The following CAMTA1 variants were observed in gnomAD, a reference collection of about 807,000 sequenced individuals.
CAMTA1 encodes calmodulin-binding transcription activator 1.
A neutral mutation model predicts 170.9 loss-of-function variants in CAMTA1; 27 were observed. That is an observed-to-expected ratio of 0.16 (90% CI 0.12 to 0.22). The LOEUF (loss-of-function observed/expected upper bound fraction) is 0.22. Among genes scored for constraint, CAMTA1 ranks in the 10% least tolerant of loss-of-function variants. The pLI is 1.00. For missense variants in CAMTA1, 1,619 were observed against 2,217.2 expected (o/e 0.73, Z 5.42); for synonymous variants, 833 against 891.5 (o/e 0.93, Z 1.17).
intron 5 of CAMTA1, among the ~76,000 whole-genome samples, chr1:7,344,683 C>T (rs1243345682): frequency 6.6e-6 from 1 of 151,700 alleles, no homozygotes; most frequent in African/African-American, 2.4e-5. Context: ...TCCCTGTTCA[C>T]GGGTGAGCAG....
At chr1:6,807,115 T>A in intron 1 of CAMTA1, 1 of 560,060 alleles carries the variant, frequency 1.8e-6, no homozygotes, top group Non-Finnish European at 3.3e-6. Context: ...ATAAAGGGAT[T>A]TGACTAATCT....
At chr1:7,584,146 T>G (rs12064138) in intron 6 of CAMTA1, among the ~76,000 whole-genome samples, 8,058 of 152,210 alleles carry the variant, frequency 0.053, 706 homozygotes, top group African/African-American at 0.18. Flanking sequence ...TTCATGATGC[T>G]TGTTAAAGAT....
intron 7 of CAMTA1, among the ~76,000 whole-genome samples, chr1:7,655,230 AC>A (rs1469142500): frequency 6.7e-6 from 1 of 149,326 alleles, no homozygotes; most frequent in Admixed American, 6.7e-5. Flanking sequence ...CTATACACAC[AC>A]ACACCTATAC....
chr1:7,640,576 G>A, intron 7 of CAMTA1, 23 bp downstream of exon 7: 1 of 1,613,830 alleles, frequency 6.2e-7, no homozygotes, highest in Non-Finnish European at 8.5e-7. Context: ...GGCCGGCCTG[G>A]CGCCCCCACG....
chr1:6,995,135 C>T (rs1311990796), intron 3 of CAMTA1, among the ~76,000 whole-genome samples: 1 of 151,524 alleles, frequency 6.6e-6, no homozygotes, highest in Non-Finnish European at 1.5e-5. Flanking sequence ...AATAAATCAC[C>T]AAGGCTTGTT....
rs570381066 is a variant in CAMTA1, at chr1:7,736,016, C to T, written c.3067-328C>T. Among the ~76,000 whole-genome samples, 15 of 152,050 alleles carry T rather than the reference C, an allele frequency of 9.9e-5. No homozygotes were observed. The highest frequency in any genetic ancestry group is 3.3e-4 in the Admixed American group (5 of 15,262). On this transcript the variant is annotated intron_variant, in intron 12 of 22. Transcript: ENST00000303635. This position sits in a 1 kb window ranked among gnomAD's most constrained non-coding sequence, Gnocchi z 4.5. ...TCTCGAACTCCTGACCACAAGAGAT[C>T]TGCCCGCCTCAGCCTCCCAAAGTGC...
intron 5 of CAMTA1, among the ~76,000 whole-genome samples, chr1:7,250,561 G>A (rs1174753394): frequency 6.6e-6 from 1 of 152,092 alleles, no homozygotes; most frequent in African/African-American, 2.4e-5. Flanking sequence ...TGGATAGCTG[G>A]GACCATAAAC....
intron 5 of CAMTA1, among the ~76,000 whole-genome samples, chr1:7,338,977 G>A (rs1031383827): frequency 1.3e-5 from 2 of 152,186 alleles, no homozygotes; most frequent in South Asian, 4.1e-4. Context: ...CATGCCTGGA[G>A]CAGGAGGATG....
intron 1 of CAMTA1, among the ~76,000 whole-genome samples, chr1:6,812,214 T>G (rs1418036680): frequency 6.6e-6 from 1 of 152,220 alleles, no homozygotes; most frequent in African/African-American, 2.4e-5. Flanking sequence ...GAACCGTGTT[T>G]TCTTGTGGAA....
rs2095363257 is a variant in CAMTA1, at chr1:7,592,557, C to T, written c.511-47843C>T. Among the ~76,000 whole-genome samples the T allele has an allele frequency of 6.6e-6, 1 of 152,172 alleles. No individual in the cohort carries two copies. Among genetic ancestry groups the T allele is most frequent in the African/African-American group, 2.4e-5 (1 of 41,432 alleles). On this transcript the variant is annotated intron_variant, in intron 6 of 22. Transcript: ENST00000303635. The surrounding 1 kb of genome is among the most constrained non-coding windows in gnomAD (Gnocchi z 4.6). ...GGTCCTCTGATGACCAGGGCAGGGA[C>T]TCTTAGGGACACAGGGCCGTGGGAA...
intron 6 of CAMTA1, among the ~76,000 whole-genome samples, chr1:7,535,740 G>A (rs115537235): frequency 6.6e-6 from 1 of 152,118 alleles, no homozygotes; most frequent in Non-Finnish European, 1.5e-5. Context: ...CCTCTCTGTG[G>A]CCACCACCCT....
chr1:7,182,910 A>G (rs1652506767), intron 4 of CAMTA1, among the ~76,000 whole-genome samples: 1 of 152,232 alleles, frequency 6.6e-6, no homozygotes, highest in African/African-American at 2.4e-5. Flanking sequence ...ATTGGCAAAC[A>G]TGAAAAAGCA....
At chr1:7,509,676 G>A (rs2094172976) in intron 6 of CAMTA1, among the ~76,000 whole-genome samples, 2 of 152,128 alleles carry the variant, frequency 1.3e-5, no homozygotes, top group Non-Finnish European at 1.5e-5. Flanking sequence ...CCGTAAAAAC[G>A]TACTGAGGCC....
chr1:7,449,515 A>G (rs1273437834), intron 5 of CAMTA1, among the ~76,000 whole-genome samples: 12 of 152,144 alleles, frequency 7.9e-5, no homozygotes, highest in Admixed American at 7.9e-4. Flanking sequence ...CAGCCCTATA[A>G]TCCCAGCACT....
chr1:6,889,279 CAA>C (rs980907409), intron 3 of CAMTA1, among the ~76,000 whole-genome samples: 2 of 152,094 alleles, frequency 1.3e-5, no homozygotes, highest in African/African-American at 4.8e-5. Flanking sequence ...GAAAGTATAA[CAA>C]GTATGAATTT....
chr1:7,730,694 A>C (rs535629113), intron 11 of CAMTA1, among the ~76,000 whole-genome samples: 49 of 152,204 alleles, frequency 3.2e-4, no homozygotes, highest in African/African-American at 1.1e-3. Context: ...TCAGGAGTTC[A>C]AGACCAGCCT....
intron 3 of CAMTA1, 45 bp from the exon 4 acceptor site, chr1:7,091,259 A>C: frequency 7.1e-7 from 1 of 1,401,266 alleles, no homozygotes; most frequent in South Asian, 1.2e-5. Flanking sequence ...TCAGGATCCA[A>C]TGTGAGCTAA....
At chr1:7,471,211 GTC>G (rs2149563223) in intron 6 of CAMTA1, among the ~76,000 whole-genome samples, 2 of 152,280 alleles carry the variant, frequency 1.3e-5, no homozygotes, top group Non-Finnish European at 2.9e-5. Flanking sequence ...CTCTCTCTGC[GTC>G]TCTCTCTGTC....
intron 6 of CAMTA1, among the ~76,000 whole-genome samples, chr1:7,541,550 G>A (rs2094610973): frequency 6.6e-6 from 1 of 152,230 alleles, no homozygotes; most frequent in Non-Finnish European, 1.5e-5. Flanking sequence ...ATCTCTGTTT[G>A]CTTGAAATTA....
Sources: allele counts gnomAD v4.1 joint callset (sites outside exome capture counted in the v4.1 genomes callset), GRCh38; gene constraint gnomAD v4.1.1; non-coding constraint Gnocchi (gnomAD v3.1); transcripts MANE v1.5; gene names NCBI Gene and HGNC (gene_info 2026-07-23, HGNC 2026-07-21).